CNTNAP2: variants seen among roughly 807,000 people sequenced by gnomAD.
CNTNAP2 encodes contactin-associated protein-like 2.
CNTNAP2 carries 98 observed loss-of-function variants against 155.2 expected under a neutral mutation model. The observed-to-expected ratio is 0.63, with a 90% CI of 0.54 to 0.75. The LOEUF (loss-of-function observed/expected upper bound fraction) is 0.75. Among genes scored for constraint, CNTNAP2 ranks in the 30% least tolerant of loss-of-function variants. The pLI, the probability that CNTNAP2 is intolerant of heterozygous loss-of-function variation, is 0.00. For missense variants in CNTNAP2, 1,727 were observed against 1,688.1 expected, an observed-to-expected ratio of 1.02 and a Z score of -0.40; for synonymous variants, 651 against 631.2, an observed-to-expected ratio of 1.03 and a Z score of -0.47.
At chr7:146,587,301 C>A (rs917439494) in intron 1 of CNTNAP2, among the ~76,000 whole-genome samples, 1 of 152,082 alleles carries the variant, frequency 6.6e-6, no homozygotes, top group Non-Finnish European at 1.5e-5. Flanking sequence ...ACTGTCAGCT[C>A]CTTGGAGGTA....
chr7:147,618,482 A>G (rs139802332), intron 12 of CNTNAP2, among the ~76,000 whole-genome samples: 1 of 152,218 alleles, frequency 6.6e-6, no homozygotes, highest in Non-Finnish European at 1.5e-5. Flanking sequence ...GGTTTGAAAA[A>G]CAAAAATAAT....
At position 147,206,588 on chromosome 7, in the gene CNTNAP2, G is replaced by A. The variant is rs147881258; in HGVS notation, c.1348+74079G>A. ...TAAAATAAAATAAAATAAATTAGCA[G>A]AGGCTTTTAAACACCTACATTACAC... On this transcript the variant is annotated intron_variant, in intron 8 of 23. Coordinates refer to ENST00000361727, the MANE Select transcript of CNTNAP2 (RefSeq NM_014141.6). 5.2e-3 allele frequency among the ~76,000 whole-genome samples: 794 copies of A among 152,120 alleles called. 2 individuals are homozygous for A. The highest frequency in any genetic ancestry group is 0.024 in the Middle Eastern group (7 of 292).
intron 15 of CNTNAP2, among the ~76,000 whole-genome samples, chr7:147,993,968 A>G (rs995234157): frequency 2.6e-5 from 4 of 152,162 alleles, no homozygotes; most frequent in African/African-American, 9.7e-5. Context: ...TATAGTCTCT[A>G]CTATTTCTGC....
chr7:146,191,264 G>T (rs973470134), intron 1 of CNTNAP2, among the ~76,000 whole-genome samples: 1 of 152,026 alleles, frequency 6.6e-6, no homozygotes, highest in African/African-American at 2.4e-5. Context: ...CAGGTTCTGT[G>T]ATGCCCCCTG....
rs1193272794 is a variant in CNTNAP2, at chr7:148,415,954, A to C, written c.*338A>C. 9.3e-6 allele frequency: 3 copies of C among 323,362 alleles called. No homozygotes were observed. Among genetic ancestry groups the C allele is most frequent in the Non-Finnish European group, 1.7e-5 (3 of 177,442 alleles). The allele number at this position is 323,362 out of a possible 1,614,324, so 20.0% of individuals were successfully genotyped here. ...TCTAAAGACCCGTGGTAACAGGGCAAGTTTTCTACGTTTTTAAGAGCCCTT... is the reference window on the plus strand; with the variant it reads ...TCTAAAGACCCGTGGTAACAGGGCACGTTTTCTACGTTTTTAAGAGCCCTT... On this transcript the variant is annotated 3_prime_UTR_variant, in exon 24 of 24. Transcript: ENST00000361727.
chr7:147,181,200 G>T (rs944427263), intron 8 of CNTNAP2, among the ~76,000 whole-genome samples: 1 of 152,074 alleles, frequency 6.6e-6, no homozygotes, highest in South Asian at 2.1e-4. Flanking sequence ...GAGCTGGGGG[G>T]ACAGCAGGTG....
At chr7:146,901,116 A>G (rs114940916) in intron 3 of CNTNAP2, among the ~76,000 whole-genome samples, 1,771 of 152,122 alleles carry the variant, frequency 0.012, 28 homozygotes, top group African/African-American at 0.041. Context: ...CTATTTTTTA[A>G]GATATTAAAC....
chr7:147,029,857 T>C (rs1798995953), intron 3 of CNTNAP2, among the ~76,000 whole-genome samples: 1 of 152,226 alleles, frequency 6.6e-6, no homozygotes, highest in African/African-American at 2.4e-5. Context: ...TACCTTGCTA[T>C]CACAAATAAT....
rs115897418 is a variant in CNTNAP2, at chr7:146,190,818, G to T, written c.97+73845G>T. Among the ~76,000 whole-genome samples the T allele has an allele frequency of 5.3e-3, 799 of 152,184 alleles. 6 individuals carry two copies. Among genetic ancestry groups the T allele is most frequent in the African/African-American group, 0.018 (756 of 41,516 alleles). On this transcript the variant is annotated intron_variant, in intron 1 of 23. Transcript: ENST00000361727. ...TTTTTTTAATGAAAAGAAGAAGACA[G>T]ATCCCTTCTCTCTCTTTCTAAACAG...
intron 13 of CNTNAP2, among the ~76,000 whole-genome samples, chr7:147,722,043 T>C (rs1408641689): frequency 1.3e-5 from 2 of 152,164 alleles, no homozygotes; most frequent in Non-Finnish European, 2.9e-5. Context: ...TTAAGGAGAA[T>C]GAAAACAGAG....
intron 8 of CNTNAP2, among the ~76,000 whole-genome samples, chr7:147,242,014 C>T (rs567739537): frequency 7.2e-5 from 11 of 152,258 alleles, no homozygotes; most frequent in Admixed American, 3.3e-4. Context: ...TTTATTTCTT[C>T]GCACCATGCA....
chr7:146,732,827 C>G (rs1801549454), intron 1 of CNTNAP2, among the ~76,000 whole-genome samples: 1 of 152,072 alleles, frequency 6.6e-6, no homozygotes. Context: ...CTTGTAATAC[C>G]TAATACAATG....
chr7:147,174,525 A>G (rs749541986), intron 8 of CNTNAP2, among the ~76,000 whole-genome samples: 8 of 152,188 alleles, frequency 5.3e-5, no homozygotes, highest in Admixed American at 1.3e-4. Flanking sequence ...ATTCCCATGA[A>G]GAAAGGATAT....
chr7:147,793,188 A>G (rs1389739801), intron 13 of CNTNAP2, among the ~76,000 whole-genome samples: 1 of 152,078 alleles, frequency 6.6e-6, no homozygotes, highest in Admixed American at 6.6e-5. Context: ...TTTAATTTTG[A>G]TAATATTCAA....
chr7:147,051,230 C>A (rs901843687), intron 4 of CNTNAP2, among the ~76,000 whole-genome samples: 4 of 148,798 alleles, frequency 2.7e-5, no homozygotes, highest in African/African-American at 9.8e-5. Context: ...ATGTTTACAT[C>A]AGTTTAAGTG....
At chr7:146,125,601 A>AC (rs1488632127) in intron 1 of CNTNAP2, among the ~76,000 whole-genome samples, 1 of 151,484 alleles carries the variant, frequency 6.6e-6, no homozygotes, top group African/African-American at 2.4e-5. Context: ...AAAAAAAAAA[A>AC]AAAAAGAATA....
intron 21 of CNTNAP2, among the ~76,000 whole-genome samples, chr7:148,287,348 A>T (rs935530274): frequency 1.3e-5 from 2 of 152,338 alleles, no homozygotes; most frequent in Admixed American, 1.3e-4. Context: ...CACTATAGAA[A>T]AAAAGGCAAA....
intron 10 of CNTNAP2, among the ~76,000 whole-genome samples, chr7:147,443,499 G>A (rs1468537342): frequency 6.6e-6 from 1 of 152,090 alleles, no homozygotes; most frequent in Non-Finnish European, 1.5e-5. Context: ...ATAATAGGAA[G>A]TTAAAATCCA....
chr7:146,202,465 G>A (rs1798880550), intron 1 of CNTNAP2, among the ~76,000 whole-genome samples: 1 of 151,980 alleles, frequency 6.6e-6, no homozygotes, highest in African/African-American at 2.4e-5. Flanking sequence ...AAAACTTAAT[G>A]CCTGTGTATA....
Sources: gnomAD v4.1 joint callset for allele counts (sites outside exome capture counted in the v4.1 genomes callset) on GRCh38, gnomAD v4.1.1 for gene constraint, MANE v1.5 for transcripts, NCBI Gene and HGNC (gene_info 2026-07-23, HGNC 2026-07-21) for gene names.